SDK1: variants seen among roughly 807,000 people sequenced by gnomAD.
The protein encoded by SDK1 is sidekick cell adhesion molecule 1.
In SDK1, 157 loss-of-function variants were observed where a neutral mutation model predicts 245.5. That is an observed-to-expected ratio of 0.64 (90% CI 0.56 to 0.73). The LOEUF (loss-of-function observed/expected upper bound fraction) is 0.73, where lower values mean the gene tolerates loss of function less well. SDK1 is among the 30% of genes least tolerant of loss of function. The pLI is 0.00. For synonymous variants in SDK1, 1,647 were observed against 1,278.5 expected, an observed-to-expected ratio of 1.29 and a Z score of -6.15; for missense variants, 3,583 against 3,002.3, an observed-to-expected ratio of 1.19 and a Z score of -4.52.
chr7:3,374,210 G>A (rs1781297184), intron 1 of SDK1, among the ~76,000 whole-genome samples: 1 of 152,122 alleles, frequency 6.6e-6, no homozygotes, highest in Non-Finnish European at 1.5e-5. Context: ...GGAACCCACT[G>A]TTGCCTAAAG....
chr7:4,220,024 T>A, intron 38 of SDK1, 85 bp from the exon 39 acceptor site: 1 of 1,495,458 alleles, frequency 6.7e-7, no homozygotes, highest in Non-Finnish European at 9.1e-7. Flanking sequence ...GGGACCACTT[T>A]CCTTGTTATC....
intron 4 of SDK1, among the ~76,000 whole-genome samples, chr7:3,664,182 C>T (rs1783453570): frequency 6.6e-6 from 1 of 152,118 alleles, no homozygotes; most frequent in Non-Finnish European, 1.5e-5. Flanking sequence ...TTGACAAAAA[C>T]ATACATACCT....
rs188450648 is a variant in SDK1 at position 4,110,704 on chromosome 7, T to C, written c.3366T>C (p.Tyr1122=). ...ACGAGGAGGAGTGGGTCACCCTCTA[T>C]GAAGAGGAGAATGAGCCTGATGCCC... ...IGDEEEWVTL[Y]EEENEPDAQM... Residue 1122 remains tyrosine (Y), a synonymous_variant, in exon 23 of 45, where the codon TAT becomes TAC. Transcript: ENST00000404826. The C allele has an allele frequency of 4.7e-5, 76 of 1,613,848 alleles. No homozygotes were observed. In the East Asian group the frequency reaches 1.7e-3, roughly 36 times the overall value.
intron 4 of SDK1, among the ~76,000 whole-genome samples, chr7:3,747,476 C>G (rs73672158): frequency 0.22 from 33,699 of 152,110 alleles, 4,270 homozygotes; most frequent in African/African-American, 0.34. Context: ...CTTTTGTTTA[C>G]TAAGATTTTA....
chr7:3,459,184 C>T (rs760265180), intron 1 of SDK1, among the ~76,000 whole-genome samples: 1 of 152,158 alleles, frequency 6.6e-6, no homozygotes, highest in Non-Finnish European at 1.5e-5. Flanking sequence ...TCTGAAATTG[C>T]ATGAGAAGTT....
chr7:3,375,868 G>A (rs1311183284), intron 1 of SDK1, among the ~76,000 whole-genome samples: 1 of 152,216 alleles, frequency 6.6e-6, no homozygotes, highest in East Asian at 1.9e-4. Flanking sequence ...CTGACTCACA[G>A]AAATGGTGTG....
chr7:3,974,057 A>G (rs1197985123), intron 12 of SDK1, among the ~76,000 whole-genome samples: 2 of 151,630 alleles, frequency 1.3e-5, no homozygotes, highest in African/African-American at 4.9e-5. Flanking sequence ...GGTGGCATAC[A>G]TCTGTGGTCC....
chr7:4,227,057 T>G (rs1212409287), intron 40 of SDK1: 1 of 223,670 alleles, frequency 4.5e-6, no homozygotes, highest in Non-Finnish European at 8.9e-6. Context: ...TGTCCACTCG[T>G]AGTCCCCTGG....
intron 2 of SDK1, among the ~76,000 whole-genome samples, chr7:3,623,861 C>T (rs1286880583): frequency 6.6e-6 from 1 of 152,082 alleles, no homozygotes; most frequent in Non-Finnish European, 1.5e-5. Flanking sequence ...TGTAACCTGC[C>T]TCTGTGGTTC....
chr7:4,116,943 C>T (rs1293521045), intron 25 of SDK1, among the ~76,000 whole-genome samples: 2 of 152,164 alleles, frequency 1.3e-5, no homozygotes, highest in East Asian at 3.9e-4. Context: ...CATTACGTTC[C>T]AAAGGAAAGG....
chr7:4,164,380 C>T (rs1477011501), intron 32 of SDK1, among the ~76,000 whole-genome samples: 2 of 152,140 alleles, frequency 1.3e-5, no homozygotes, highest in Non-Finnish European at 2.9e-5. Flanking sequence ...CACACAACAT[C>T]TCCAGTCTTT....
chr7:3,456,027 TTTC>T (rs1427775558), intron 1 of SDK1, among the ~76,000 whole-genome samples: 11 of 152,206 alleles, frequency 7.2e-5, no homozygotes, highest in African/African-American at 2.4e-4. Context: ...TGACAGTCCT[TTTC>T]TTTCAGCACT....
At chr7:3,549,374 A>C (rs1490686452) in intron 1 of SDK1, among the ~76,000 whole-genome samples, 1 of 152,234 alleles carries the variant, frequency 6.6e-6, no homozygotes. Flanking sequence ...ATTGAAGAGA[A>C]ATAATCTTGC....
Position 4,130,050 on chromosome 7 carries a change from A to G in SDK1, c.4082A>G (p.Asn1361Ser). The change falls in exon 27 of 45, where the codon AAC becomes AGC. Residue 1361 changes from asparagine (N) to serine (S), a missense_variant. By Grantham distance (46) the Asn-to-Ser change is conservative (BLOSUM62 1). Transcript: ENST00000404826. ...GTGCTGGCGTTCACCCGCATCGGGA[A>G]CGGGGTCCCCAGCACGCCCCTCATC... The part of the protein sequence containing the change: ...LQVLAFTRIG[N>S]GVPSTPLILE... The G allele has an allele frequency of 6.2e-7, 1 of 1,612,716 alleles. No homozygotes were observed. The highest frequency in any genetic ancestry group is 8.5e-7 in the Non-Finnish European group (1 of 1,179,372).
chr7:3,633,394 G>C (rs1782358129), intron 2 of SDK1, among the ~76,000 whole-genome samples: 1 of 152,146 alleles, frequency 6.6e-6, no homozygotes, highest in Admixed American at 6.6e-5. Context: ...CCTGTAACAG[G>C]TAGATTCGGT....
At chr7:3,694,370 C>A (rs916856049) in intron 4 of SDK1, among the ~76,000 whole-genome samples, 3 of 152,168 alleles carry the variant, frequency 2.0e-5, no homozygotes, top group South Asian at 2.1e-4. Flanking sequence ...TAGCTCAACA[C>A]CCTCCTCTCA....
chr7:3,803,279 A>G (rs1054240140), intron 4 of SDK1, among the ~76,000 whole-genome samples: 1 of 146,408 alleles, frequency 6.8e-6, no homozygotes, highest in Admixed American at 6.8e-5. Context: ...TACTCTGCCC[A>G]TTTTCTTTTC....
chr7:3,509,719 C>T (rs1782515452), intron 1 of SDK1, among the ~76,000 whole-genome samples: 1 of 152,150 alleles, frequency 6.6e-6, no homozygotes, highest in African/African-American at 2.4e-5. Context: ...GCTCAGAGAG[C>T]AGCAGCCAGA....
chr7:3,821,607 T>A (rs754241825), intron 5 of SDK1, 24 bp downstream of exon 5: 1 of 1,608,646 alleles, frequency 6.2e-7, no homozygotes, highest in Middle Eastern at 1.7e-4. Context: ...TCCCAAATGG[T>A]AATTCTGCAA....
Sources: gnomAD v4.1 joint callset for allele counts (sites outside exome capture counted in the v4.1 genomes callset) on GRCh38, gnomAD v4.1.1 for gene constraint, MANE v1.5 for transcripts, NCBI Gene and HGNC (gene_info 2026-07-23, HGNC 2026-07-21) for gene names.